C15orf40: variants seen among roughly 807,000 people sequenced by gnomAD.
The protein encoded by C15orf40 is chromosome 15 open reading frame 40, also known as UPF0235 protein C15orf40.
A neutral mutation model predicts 13.9 loss-of-function variants in C15orf40; 9 were observed. The ratio of observed to expected loss-of-function variants is 0.65; its 90% CI spans 0.39 to 1.13. C15orf40 has a LOEUF of 1.13. Ranked by LOEUF, C15orf40 falls within the 50% of genes most tolerant of loss-of-function variation. C15orf40 has a pLI of 0.01. For missense variants in C15orf40, 225 were observed against 188.5 expected (o/e 1.19, Z -1.13); for synonymous variants, 95 against 69.2 (o/e 1.37, Z -1.85).
rs1346217893 is a variant in C15orf40 at position 83,006,562 on chromosome 15, C to A, written c.367-870G>T. The A allele has an allele frequency of 4.4e-6, 3 of 688,350 alleles. No homozygotes were observed. The East Asian group carries it at 4.1e-4, about 93-fold the overall frequency. The allele number at this position is 688,350 out of a possible 1,614,324, so 42.6% of individuals were successfully genotyped here. A position where few individuals can be genotyped will look rare whatever the true frequency, so the allele number is the denominator to read the frequency against. ...ATCACCTGAGGTCAGGAGTTCGAGA[C>A]CAGCCTGGCCAATGTGGCAAAACCC... On this transcript the variant is annotated intron_variant, in intron 3 of 3. Transcript: ENST00000304177.
At chr15:82,991,704 T>C (rs1477904190), downstream of C15orf40, among the ~76,000 whole-genome samples, 1 of 144,404 alleles carries the variant, frequency 6.9e-6, no homozygotes, top group Non-Finnish European at 1.5e-5. Flanking sequence ...CTCGGGTAAC[T>C]GTTTTATTGG....
downstream of C15orf40, among the ~76,000 whole-genome samples, chr15:82,989,571 A>C (rs2030770657): frequency 6.6e-6 from 1 of 152,232 alleles, no homozygotes; most frequent in African/African-American, 2.4e-5. Flanking sequence ...ATAATTCAAA[A>C]TAGTCAAAGG....
downstream of C15orf40, chr15:82,989,865 T>C: frequency 6.2e-7 from 1 of 1,609,042 alleles, no homozygotes; most frequent in East Asian, 2.2e-5. Flanking sequence ...AGATCTTTTT[T>C]GTTTTATTGT....
Position 83,004,306 on chromosome 15 carries a change from T to TAA in C15orf40, c.*1290_*1291insTT. The TAA allele has an allele frequency of 1.2e-5, 12 of 985,124 alleles. No individual in the cohort carries two copies. The highest frequency in any genetic ancestry group is 1.4e-5 in the Non-Finnish European group (12 of 829,686). 61.0% of individuals were successfully genotyped at this position (985,124 alleles called of 1,614,324 possible). On this transcript the variant is annotated 3_prime_UTR_variant, in exon 4 of 4. Coordinates refer to ENST00000304177, the MANE Select transcript of C15orf40 (RefSeq NM_144597.3). ...CAGCAATTTTTATTATTGTTCTTCC[T>TAA]TGTGGATTTTGTTTTTAATGATTTG...
At chr15:82,992,496 A>G (rs1380125192), downstream of C15orf40, among the ~76,000 whole-genome samples, 1 of 152,160 alleles carries the variant, frequency 6.6e-6, no homozygotes, top group Non-Finnish European at 1.5e-5. Context: ...AGCCTGGGCA[A>G]CAAGAGCGAA....
Position 83,005,688 on chromosome 15 carries a change from C to T in C15orf40, c.371G>A (p.Gly124Asp), listed in dbSNP as rs1407945527. The T allele has an allele frequency of 6.2e-7, 1 of 1,611,488 alleles. No homozygotes were observed. Among genetic ancestry groups the T allele is most frequent in the Non-Finnish European group, 8.5e-7 (1 of 1,178,928 alleles). ...CTTCACCACCTTTTCACGAGATTTA[C>T]CACCCTGGACCAAAAGAGAAAAAGC... The part of the protein sequence containing the change: ...RKSDVVLDKG[G>D]KSREKVVKLL... Residue 124 changes from glycine to aspartate, a missense_variant, in exon 4 of 4, where the codon GGT becomes GAT. Coordinates refer to ENST00000304177, the MANE Select transcript of C15orf40 (RefSeq NM_144597.3).
In C15orf40 at chr15:83,006,408, A is replaced by C. The variant is rs531988023; in HGVS notation, c.367-716T>G. 54 of 985,404 alleles carry C rather than the reference A, an allele frequency of 5.5e-5. No homozygotes were observed. The African/African-American group carries it at 9.2e-4, about 17-fold the overall frequency. 61.0% of individuals were successfully genotyped at this position (985,404 alleles called of 1,614,324 possible). A position where few individuals can be genotyped will look rare whatever the true frequency, so the allele number is the denominator to read the frequency against. On this transcript the variant is annotated intron_variant, in intron 3 of 3. Transcript: ENST00000304177. ...GTTGTTAAACATTTCTGAAAATTCC[A>C]AACAAAAAGTAGCCACATATCCAAG...
rs1180532172 is a variant in C15orf40, at chr15:83,004,734, A to G, written c.*863T>C. On this transcript the variant is annotated 3_prime_UTR_variant, in exon 4 of 4. Coordinates refer to ENST00000304177, the MANE Select transcript of C15orf40 (RefSeq NM_144597.3). The stretch of plus-strand genomic sequence containing the variant: ...TATAGTCTTTAAAAGATGTAAAAAA[A>G]AAATTTTTTTTACATTTAAATAAGC... 4.0e-6 allele frequency: 4 copies of G among 1,004,580 alleles called. No homozygotes were observed. In the East Asian group the frequency reaches 3.8e-4, roughly 96 times the overall value. 62.2% of individuals were successfully genotyped at this position (1,004,580 alleles called of 1,614,324 possible).
chr15:83,005,447 G>T lies in C15orf40; in HGVS notation c.*150C>A. The T allele has an allele frequency of 1.4e-6, 1 of 738,520 alleles. No individual in the cohort carries two copies. The highest frequency in any genetic ancestry group is 1.9e-6 in the Non-Finnish European group (1 of 517,874). The allele number at this position is 738,520 out of a possible 1,614,324, so 45.7% of individuals were successfully genotyped here. The stretch of plus-strand genomic sequence containing the variant: ...TTACAGGCATGCGCCATCACATCTG[G>T]CTAATTTTGTATTTTTCGTAGAGAT... On this transcript the variant is annotated 3_prime_UTR_variant, in exon 4 of 4. Coordinates refer to ENST00000304177, the MANE Select transcript of C15orf40 (RefSeq NM_144597.3).
Position 83,008,683 on chromosome 15 carries a change from G to A in C15orf40, c.239-8C>T. 6.3e-7 allele frequency: 1 copy of A among 1,597,726 alleles called. No homozygotes were observed. The highest frequency in any genetic ancestry group is 1.1e-5 in the South Asian group (1 of 87,968). ...CAGCCTCTGCTGTCAAATCTGGAAT[G>A]AAAATAGTGTGGACTTTATCCTTAA... On this transcript the variant is annotated splice_region_variant and splice_polypyrimidine_tract_variant and intron_variant, in intron 2 of 3. Transcript: ENST00000304177.
Position 82,997,973 on chromosome 15 carries a change from ACCTC to A in C15orf40, c.*7620_*7623del. 1.5e-5 allele frequency: 1 copy of A among 66,712 alleles called. No individual in the cohort carries two copies. The highest frequency in any genetic ancestry group is 3.7e-4 in the East Asian group (1 of 2,734). The allele number at this position is 66,712 out of a possible 1,614,324, so 4.1% of individuals were successfully genotyped here. ...GGCCGGGCGGAGGGCTGACCCCCCC[ACCTC>A]CCTCCCGGACGGGGCGGCTGGCCAG... On this transcript the variant is annotated 3_prime_UTR_variant, in exon 4 of 4. Transcript: ENST00000304177.
chr15:82,991,973 T>G, downstream of C15orf40: 1 of 1,225,238 alleles, frequency 8.2e-7, no homozygotes, highest in Non-Finnish European at 1.1e-6. Flanking sequence ...CCCAGCACTC[T>G]GGGAGGCCGA....
At chr15:83,008,292 G>C (rs1035519661) in intron 3 of C15orf40, 4 of 399,342 alleles carry the variant, frequency 1.0e-5, no homozygotes, top group African/African-American at 8.3e-5. Context: ...GAGAAGGCAG[G>C]TGGATCATTT....
At position 82,999,468 on chromosome 15, in the gene C15orf40, T is replaced by G. The variant is rs1862120404; in HGVS notation, c.*6129A>C. The G allele has an allele frequency of 1.3e-5, 2 of 152,178 alleles. No individual in the cohort carries two copies. The highest frequency in any genetic ancestry group is 2.9e-5 in the Non-Finnish European group (2 of 68,060). The allele number at this position is 152,178 out of a possible 1,614,324, so 9.4% of individuals were successfully genotyped here. On this transcript the variant is annotated 3_prime_UTR_variant, in exon 4 of 4. Coordinates refer to ENST00000304177, the MANE Select transcript of C15orf40 (RefSeq NM_144597.3). The stretch of plus-strand genomic sequence containing the variant: ...ACCTCAGCTTCCCAAAGTGCTGGGA[T>G]TACAAGCGTGAGCCAACATGGCCAG...
At chr15:82,989,314 C>A, downstream of C15orf40, 1 of 768,004 alleles carries the variant, frequency 1.3e-6, no homozygotes, top group Non-Finnish European at 2.0e-6. Flanking sequence ...TACCTAATAA[C>A]AGTACCTGGT....
Position 83,002,588 on chromosome 15 carries a change from A to G in C15orf40, c.*3009T>C, listed in dbSNP as rs889633235. The G allele has an allele frequency of 1.3e-5, 2 of 152,250 alleles. No individual in the cohort carries two copies. Among genetic ancestry groups the G allele is most frequent in the Admixed American group, 6.5e-5 (1 of 15,284 alleles). The allele number at this position is 152,250 out of a possible 1,614,324, so 9.4% of individuals were successfully genotyped here. On this transcript the variant is annotated 3_prime_UTR_variant, in exon 4 of 4. Coordinates refer to ENST00000304177, the MANE Select transcript of C15orf40 (RefSeq NM_144597.3). ...ATTCCCTGATCACAGGGGCTGGCTT[A>G]GAAATTTCATGTGACTTGATTTGGG...
Position 83,008,571 on chromosome 15 carries a change from T to TC in C15orf40, c.342dup (p.Lys115GlufsTer3). The TC allele has an allele frequency of 1.2e-6, 2 of 1,613,638 alleles. No homozygotes were observed. Among genetic ancestry groups the TC allele is most frequent in the Non-Finnish European group, 1.7e-6 (2 of 1,179,896 alleles). On this transcript the variant is annotated frameshift_variant, in exon 3 of 4. Transcript: ENST00000304177. LOFTEE classifies it high-confidence loss of function. Reference sequence around the variant, plus strand: ...ACCTTATCCAAAACCACATCACTCTTCCTGAGTTCTAGGACCTTGGAAAGA... The same window carrying TC: ...ACCTTATCCAAAACCACATCACTCTTCCCTGAGTTCTAGGACCTTGGAAAGA...
chr15:82,992,160 A>G (rs2030890166), downstream of C15orf40: 1 of 364,202 alleles, frequency 2.7e-6, no homozygotes, highest in Admixed American at 3.7e-5. Flanking sequence ...TCAAGACTAC[A>G]GTGAGCTAGG....
At chr15:83,010,512 C>T (rs950181637) in intron 1 of C15orf40, 149 bp from the exon 2 acceptor site, 310 of 853,006 alleles carry the variant, frequency 3.6e-4, no homozygotes, top group Middle Eastern at 4.6e-4. Context: ...AAAGCTTTTC[C>T]CACAACCTTC....
Sources: gnomAD v4.1 joint callset for allele counts (sites outside exome capture counted in the v4.1 genomes callset) on GRCh38, gnomAD v4.1.1 for gene constraint, MANE v1.5 for transcripts, NCBI Gene and HGNC (gene_info 2026-07-23, HGNC 2026-07-21) for gene names.